The following DYNC2I2 variants were observed in gnomAD, a reference collection of about 807,000 sequenced individuals.
DYNC2I2 encodes the protein dynein 2 intermediate chain 2, also known as cytoplasmic dynein 2 intermediate chain 2.
In DYNC2I2, 39 loss-of-function variants were observed where a neutral mutation model predicts 52.0. The ratio of observed to expected loss-of-function variants is 0.75; its 90% CI spans 0.58 to 0.98. DYNC2I2 has a LOEUF of 0.98. Ranked by LOEUF, DYNC2I2 falls within the 50% of genes least tolerant of loss-of-function variation. The pLI is 0.00. For synonymous variants in DYNC2I2, 359 were observed against 321.1 expected, an observed-to-expected ratio of 1.12 and a Z score of -1.26; for missense variants, 743 against 728.4, an observed-to-expected ratio of 1.02 and a Z score of -0.23.
In DYNC2I2 at chr9:128,636,902, C is replaced by A. The variant is rs1448365641; in HGVS notation, c.545+16G>T. 3 of 1,602,494 alleles carry A rather than the reference C, an allele frequency of 1.9e-6. No individual in the cohort carries two copies. Among genetic ancestry groups the A allele is most frequent in the African/African-American group, 2.7e-5 (2 of 74,876 alleles). ...GGGGTGGCGAGCTGCCCCTCACCTGCCCCGCTGCCACTCACCGGCCGTAGG... is the reference window on the plus strand; with the variant it reads ...GGGGTGGCGAGCTGCCCCTCACCTGACCCGCTGCCACTCACCGGCCGTAGG... On this transcript the variant is annotated intron_variant, in intron 3 of 8. Transcript: ENST00000372715.
At chr9:128,642,062 C>T (rs1026073541) in intron 1 of DYNC2I2, among the ~76,000 whole-genome samples, 3 of 151,818 alleles carry the variant, frequency 2.0e-5, no homozygotes, top group Non-Finnish European at 2.9e-5. Flanking sequence ...CCGAGGCGGG[C>T]GGATCACAAG....
At chr9:128,684,109 A>T in the DYNC2I2 span, 1 of 917,048 alleles carries the variant, frequency 1.1e-6, no homozygotes, top group East Asian at 2.7e-5. Context: ...ACCCCTAAGC[A>T]CCCCCAAAGG....
chr9:128,683,721 T>C, the DYNC2I2 span: 5 of 522,404 alleles, frequency 9.6e-6, no homozygotes, highest in Non-Finnish European at 1.7e-5. Flanking sequence ...GTGGGTGGGA[T>C]GAGGCTGGGG....
chr9:128,668,621 G>A, the DYNC2I2 span, among the ~76,000 whole-genome samples: 2 of 151,398 alleles, frequency 1.3e-5, no homozygotes, highest in South Asian at 4.2e-4. Context: ...AGGAGTTTGA[G>A]ACCAGCTTGG....
At chr9:128,641,723 T>A (rs1860517328) in intron 1 of DYNC2I2, among the ~76,000 whole-genome samples, 1 of 151,930 alleles carries the variant, frequency 6.6e-6, no homozygotes, top group South Asian at 2.1e-4. Context: ...CTCCTTCCCA[T>A]CTCATGCGGG....
Position 128,651,090 on chromosome 9 carries a change from C to T in DYNC2I2, c.186+5451G>A, listed in dbSNP as rs1042491567. Reference sequence around the variant, plus strand: ...AAGGCCTACAAGGAGTGCCCAAGCACCTGCTGGGTGCAGTGGGGACCAAAG... The same window carrying T: ...AAGGCCTACAAGGAGTGCCCAAGCATCTGCTGGGTGCAGTGGGGACCAAAG... On this transcript the variant is annotated intron_variant, in intron 1 of 8. Transcript: ENST00000372715. The T allele has an allele frequency of 5.1e-5, 3 of 58,502 alleles. 1 individual carries two copies. The highest frequency in any genetic ancestry group is 1.0e-4 in the African/African-American group (3 of 29,464). 3.6% of individuals were successfully genotyped at this position (58,502 alleles called of 1,614,324 possible). A position where few individuals can be genotyped will look rare whatever the true frequency, so the allele number is the denominator to read the frequency against.
Position 128,656,722 on chromosome 9 carries a change from G to A in DYNC2I2, c.5C>T (p.Ala2Val). The A allele has an allele frequency of 7.1e-7, 1 of 1,414,622 alleles. No homozygotes were observed. The highest frequency in any genetic ancestry group is 1.6e-5 in the South Asian group (1 of 63,860). 87.6% of individuals were successfully genotyped at this position (1,414,622 alleles called of 1,614,324 possible). Residue 2 changes from alanine (A) to valine (V), a missense_variant, in exon 1 of 9, where the codon GCA (alanine) becomes GTA (valine). Transcript: ENST00000372715. ...GAGTGGCCCCGGCTGCGCGCGGGTT[G>A]CCATGGAGACGGTTCCGCCCTCTCG... is the stretch of plus-strand genomic sequence containing the variant. M[A>V]TRAQPGPLSQ...
the DYNC2I2 span, among the ~76,000 whole-genome samples, chr9:128,673,386 G>T: frequency 6.6e-6 from 1 of 152,228 alleles, no homozygotes; most frequent in East Asian, 1.9e-4. Flanking sequence ...CTGTCGCCCA[G>T]TCTGGAGTGC....
intron 1 of DYNC2I2, chr9:128,652,116 A>C (rs1860726570): frequency 6.6e-6 from 1 of 151,520 alleles, no homozygotes. Flanking sequence ...AACCAGAGGA[A>C]CAAGACAGAC....
Position 128,656,713 on chromosome 9 carries a change from G to A in DYNC2I2, c.14C>T (p.Ala5Val), listed in dbSNP as rs544655044. MATRAQPGPLSQAGS... is the reference protein window; with the variant it reads MATRVQPGPLSQAGS... The stretch of plus-strand genomic sequence containing the variant: ...CGCCTGGCTGAGTGGCCCCGGCTGC[G>A]CGCGGGTTGCCATGGAGACGGTTCC... The change falls in exon 1 of 9, where the codon GCG (alanine) becomes GTG (valine). Residue 5 changes from alanine (A) to valine (V), a missense_variant. Ala to Val is a moderately conservative substitution (Grantham distance 64, BLOSUM62 0). Coordinates refer to ENST00000372715, the MANE Select transcript of DYNC2I2 (RefSeq NM_052844.4). The A allele has an allele frequency of 7.0e-7, 1 of 1,429,170 alleles. No individual in the cohort carries two copies. Among genetic ancestry groups the A allele is most frequent in the Non-Finnish European group, 9.1e-7 (1 of 1,100,022 alleles). The allele number at this position is 1,429,170 out of a possible 1,614,324, so 88.5% of individuals were successfully genotyped here. A position where few individuals can be genotyped will look rare whatever the true frequency, so the allele number is the denominator to read the frequency against.
chr9:128,645,884 C>A (rs182075637), intron 1 of DYNC2I2, among the ~76,000 whole-genome samples: 19 of 152,282 alleles, frequency 1.2e-4, no homozygotes, highest in Admixed American at 5.9e-4. Flanking sequence ...AGTGAAACAG[C>A]TTATTGCTGA....
chr9:128,664,391 C>T, the DYNC2I2 span, among the ~76,000 whole-genome samples: 1 of 152,110 alleles, frequency 6.6e-6, no homozygotes. Flanking sequence ...TCACTGCTGC[C>T]TCACATATAT....
chr9:128,673,991 A>G, the DYNC2I2 span, among the ~76,000 whole-genome samples: 35 of 149,910 alleles, frequency 2.3e-4, no homozygotes, highest in African/African-American at 8.1e-4. Context: ...TATTTTGAGT[A>G]GAGACTGGGT....
the DYNC2I2 span, among the ~76,000 whole-genome samples, chr9:128,665,100 T>TGGA: frequency 6.6e-6 from 1 of 151,284 alleles, no homozygotes; most frequent in Non-Finnish European, 1.5e-5. Flanking sequence ...TCACCCAGTC[T>TGGA]GGAGTACATT....
chr9:128,660,873 G>C (rs906151934), upstream of DYNC2I2, among the ~76,000 whole-genome samples: 1 of 151,458 alleles, frequency 6.6e-6, no homozygotes, highest in African/African-American at 2.4e-5. Flanking sequence ...GGGACTACAG[G>C]CATGCACCAC....
In DYNC2I2 at chr9:128,633,745, C is replaced by A. The variant is rs764402438; in HGVS notation, c.1610G>T (p.Ter537LeuextTer18). Residue 537 changes from the stop codon to leucine (L), a stop_lost, in exon 9 of 9, where the codon TGA becomes TTA. Coordinates refer to ENST00000372715, the MANE Select transcript of DYNC2I2 (RefSeq NM_052844.4). ...LDCLAAEVAA[*>L] ...CTTGCACCCGCCTCCCGGGACCCCT[C>A]AGGCCGCCACCTCTGCTGCCAGGCA... 2 of 1,612,618 alleles carry A rather than the reference C, an allele frequency of 1.2e-6. No individual in the cohort carries two copies. Among genetic ancestry groups the A allele is most frequent in the Non-Finnish European group, 1.7e-6 (2 of 1,179,938 alleles).
the DYNC2I2 span, among the ~76,000 whole-genome samples, chr9:128,678,055 C>A: frequency 1.2e-4 from 18 of 151,592 alleles, no homozygotes; most frequent in Non-Finnish European, 2.4e-4. Context: ...GACTTAGCTG[C>A]AGTTTTCTTT....
rs756358737 is a variant in DYNC2I2 at position 128,636,433 on chromosome 9, T to TC, written c.550dup (p.Asp184GlyfsTer9). 6.2e-6 allele frequency: 10 copies of TC among 1,603,548 alleles called. No homozygotes were observed. Among genetic ancestry groups the TC allele is most frequent in the Non-Finnish European group, 8.5e-6 (10 of 1,177,550 alleles). On this transcript the variant is annotated frameshift_variant, in exon 4 of 9. Transcript: ENST00000372715. LOFTEE classifies it high-confidence loss of function. ...CTTAAGCGTGCTCCAGTCCCCATGG[T>TC]CCAGCCTGTGCAGGGACAGGCTTGA...
At chr9:128,648,799 C>CA (rs56801175) in intron 1 of DYNC2I2, among the ~76,000 whole-genome samples, 95,395 of 132,048 alleles carry the variant, frequency 0.72, 35,877 homozygotes, top group Non-Finnish European at 0.86. Context: ...GACTCCGTTT[C>CA]AAAAAAAAAA....
Sources: allele counts gnomAD v4.1 joint callset (sites outside exome capture counted in the v4.1 genomes callset), GRCh38; gene constraint gnomAD v4.1.1; transcripts MANE v1.5; gene names NCBI Gene and HGNC (gene_info 2026-07-23, HGNC 2026-07-21).